The following PACRGL variants were observed in gnomAD, a reference collection of about 807,000 sequenced individuals.
PACRGL encodes parkin coregulated like, also known as PACRG-like protein.
Under a neutral mutation model 34.5 loss-of-function variants are expected in PACRGL, and 38 were observed. The ratio of observed to expected loss-of-function variants is 1.10; its 90% CI spans 0.85 to 1.44. The LOEUF (loss-of-function observed/expected upper bound fraction) is 1.44, where lower values mean the gene tolerates loss of function less well. PACRGL is among the 40% of genes most tolerant of loss of function. The pLI, the probability that PACRGL is intolerant of heterozygous loss-of-function variation, is 0.00. For missense variants in PACRGL, 305 were observed against 281.4 expected, an observed-to-expected ratio of 1.08 and a Z score of -0.60; for synonymous variants, 128 against 100.1, an observed-to-expected ratio of 1.28 and a Z score of -1.66.
intron 8 of PACRGL, among the ~76,000 whole-genome samples, chr4:20,752,162 G>A (rs764397843): frequency 6.7e-6 from 1 of 149,522 alleles, no homozygotes; most frequent in Non-Finnish European, 1.5e-5. Context: ...GGGTTCAAGC[G>A]ATTCTCCTGC....
At chr4:20,732,808 G>T (rs771055362), downstream of PACRGL, 3 of 1,371,528 alleles carry the variant, frequency 2.2e-6, no homozygotes, top group South Asian at 2.3e-5. Context: ...AGGCACTCAC[G>T]TGAGGCTGCA....
chr4:20,759,071 G>GA, the PACRGL span, among the ~76,000 whole-genome samples: 78 of 150,076 alleles, frequency 5.2e-4, no homozygotes, highest in Middle Eastern at 3.4e-3. Flanking sequence ...GTTCTCACAA[G>GA]AAAAAAAAAC....
downstream of PACRGL, among the ~76,000 whole-genome samples, chr4:20,755,449 G>GTCAT (rs1754322736): frequency 1.3e-5 from 2 of 152,308 alleles, no homozygotes; most frequent in Non-Finnish European, 2.9e-5. Context: ...TGAGGTGGGT[G>GTCAT]TCATTCATTC....
downstream of PACRGL, among the ~76,000 whole-genome samples, chr4:20,755,234 A>G (rs1368068385): frequency 6.6e-6 from 1 of 152,172 alleles, no homozygotes; most frequent in East Asian, 1.9e-4. Context: ...TAATTCTTTT[A>G]AAAGTCCACC....
intron 7 of PACRGL, among the ~76,000 whole-genome samples, chr4:20,719,181 T>G (rs529460781): frequency 6.6e-6 from 1 of 152,238 alleles, no homozygotes; most frequent in South Asian, 2.1e-4. Context: ...GTGATATCCC[T>G]TGTATCATTT....
chr4:20,709,318 T>C (rs1280240120), intron 4 of PACRGL, among the ~76,000 whole-genome samples: 1 of 152,184 alleles, frequency 6.6e-6, no homozygotes, highest in Non-Finnish European at 1.5e-5. Flanking sequence ...AAAACAATGT[T>C]CCTTGTGAAA....
chr4:20,704,821 C>T lies in PACRGL; in HGVS notation c.207+7C>T, dbSNP rs1304717478. The T allele has an allele frequency of 6.2e-7, 1 of 1,613,508 alleles. No individual in the cohort carries two copies. The highest frequency in any genetic ancestry group is 8.5e-7 in the Non-Finnish European group (1 of 1,179,532). On this transcript the variant is annotated splice_region_variant and intron_variant, in intron 3 of 8. Coordinates refer to ENST00000503585, the MANE Select transcript of PACRGL (RefSeq NM_001258345.3). ...CCCTAAAACAATTAATCCGGTAGGT[C>T]CAAAACTATTCCTAACTCAGTAGAT...
intron 8 of PACRGL, among the ~76,000 whole-genome samples, chr4:20,725,823 A>G (rs1745399365): frequency 1.3e-5 from 2 of 151,618 alleles, no homozygotes; most frequent in South Asian, 4.2e-4. Flanking sequence ...GTAAGTGTCT[A>G]AGCCTACTAG....
intron 8 of PACRGL, among the ~76,000 whole-genome samples, chr4:20,725,193 G>T (rs1054185437): frequency 6.6e-6 from 1 of 152,070 alleles, no homozygotes; most frequent in Non-Finnish European, 1.5e-5. Context: ...TATTTTCAGT[G>T]GTTTAGTTTT....
At chr4:20,733,808 C>T (rs1748938419), downstream of PACRGL, among the ~76,000 whole-genome samples, 2 of 152,154 alleles carry the variant, frequency 1.3e-5, no homozygotes, top group African/African-American at 4.8e-5. Flanking sequence ...CTATTCTGGC[C>T]CCAGGTGTCC....
chr4:20,723,345 A>T (rs1182439582), intron 7 of PACRGL, among the ~76,000 whole-genome samples: 1 of 152,192 alleles, frequency 6.6e-6, no homozygotes, highest in Non-Finnish European at 1.5e-5. Flanking sequence ...CAGGTATGCC[A>T]AGCAGTGAGA....
chr4:20,732,802 A>C (rs924273747), downstream of PACRGL: 26 of 1,462,230 alleles, frequency 1.8e-5, no homozygotes, highest in Non-Finnish European at 2.1e-5. Context: ...AATAAAAGGC[A>C]CTCACGTGAG....
intron 3 of PACRGL, among the ~76,000 whole-genome samples, chr4:20,707,391 C>T (rs1735006571): frequency 6.6e-6 from 1 of 152,200 alleles, no homozygotes; most frequent in Admixed American, 6.5e-5. Context: ...TTATAGAAGC[C>T]TAAAGCCAGT....
downstream of PACRGL, among the ~76,000 whole-genome samples, chr4:20,756,953 T>C (rs1669107153): frequency 6.6e-6 from 1 of 152,108 alleles, no homozygotes; most frequent in African/African-American, 2.4e-5. Flanking sequence ...ATTTAACCAC[T>C]ACTTCTTGAT....
chr4:20,740,210 A>G (rs570166782), intron 8 of PACRGL, among the ~76,000 whole-genome samples: 1 of 152,286 alleles, frequency 6.6e-6, no homozygotes, highest in East Asian at 1.9e-4. Context: ...TCAGGCCAAC[A>G]TTCAAATTCA....
the PACRGL span, among the ~76,000 whole-genome samples, chr4:20,763,766 G>T: frequency 6.6e-6 from 1 of 152,064 alleles, no homozygotes; most frequent in African/African-American, 2.4e-5. Context: ...TCACTATGTT[G>T]CCCAGGCTGG....
chr4:20,729,961 T>G lies in PACRGL; in HGVS notation c.*2620T>G. On this transcript the variant is annotated 3_prime_UTR_variant, in exon 9 of 9. Coordinates refer to ENST00000503585, the MANE Select transcript of PACRGL (RefSeq NM_001258345.3). ...GGATTGCTTTATATTAAAACAAAGC[T>G]TGTTTGCATAATATGCTTCAGTGTC... 8.5e-7 allele frequency: 1 copy of G among 1,174,748 alleles called. No individual in the cohort carries two copies. Among genetic ancestry groups the G allele is most frequent in the African/African-American group, 1.6e-5 (1 of 63,874 alleles). The allele number at this position is 1,174,748 out of a possible 1,614,324, so 72.8% of individuals were successfully genotyped here. A position where few individuals can be genotyped will look rare whatever the true frequency, so the allele number is the denominator to read the frequency against.
chr4:20,739,243 A>G (rs1351650678), intron 8 of PACRGL, among the ~76,000 whole-genome samples: 1 of 152,220 alleles, frequency 6.6e-6, no homozygotes, highest in Non-Finnish European at 1.5e-5. Context: ...TAGTTCTCCC[A>G]GCATGGAGTT....
At chr4:20,753,536 C>T (rs1754000735), downstream of PACRGL, among the ~76,000 whole-genome samples, 1 of 152,104 alleles carries the variant, frequency 6.6e-6, no homozygotes, top group South Asian at 2.1e-4. Flanking sequence ...ATTATCATGC[C>T]CCAGGTTTGT....
Sources: gnomAD v4.1 joint callset for allele counts (sites outside exome capture counted in the v4.1 genomes callset) on GRCh38, gnomAD v4.1.1 for gene constraint, MANE v1.5 for transcripts, NCBI Gene and HGNC (gene_info 2026-07-23, HGNC 2026-07-21) for gene names.